The following BCAT1 variants were observed in gnomAD, a reference collection of about 807,000 sequenced individuals.
BCAT1 encodes branched-chain-amino-acid aminotransferase, cytosolic.
In BCAT1, 48 loss-of-function variants were observed where a neutral mutation model predicts 52.4. The ratio of observed to expected loss-of-function variants is 0.92; its 90% confidence interval spans 0.73 to 1.16. BCAT1 has a LOEUF of 1.16. Ranked by LOEUF, BCAT1 falls within the 50% of genes most tolerant of loss-of-function variation. The probability of loss-of-function intolerance (pLI) is 0.00; values close to 1 mark genes in which losing one functional copy is unlikely to be tolerated. For synonymous variants in BCAT1, 167 were observed against 161.3 expected, an observed-to-expected ratio of 1.04 and a Z score of -0.27; for missense variants, 451 against 457.1, an observed-to-expected ratio of 0.99 and a Z score of 0.12.
At chr12:24,839,261 A>G (rs2139423310) in intron 7 of BCAT1, among the ~76,000 whole-genome samples, 1 of 152,354 alleles carries the variant, frequency 6.6e-6, no homozygotes. Context: ...ATTTGTAAGC[A>G]AAGATTTGGA....
At chr12:24,888,852 A>C (rs1047654624) in intron 3 of BCAT1, among the ~76,000 whole-genome samples, 1 of 152,246 alleles carries the variant, frequency 6.6e-6, no homozygotes, top group Admixed American at 6.5e-5. Context: ...CAAGCTGCAG[A>C]CATAGATATC....
intron 1 of BCAT1, among the ~76,000 whole-genome samples, chr12:24,943,948 T>A (rs192581264): frequency 6.6e-6 from 1 of 151,594 alleles, no homozygotes; most frequent in Admixed American, 6.6e-5. Flanking sequence ...CGCACCACTG[T>A]ACTCCAGCCT....
intron 5 of BCAT1, among the ~76,000 whole-genome samples, chr12:24,852,414 A>T (rs1941542584): frequency 7.7e-6 from 1 of 129,502 alleles, no homozygotes; most frequent in Non-Finnish European, 1.7e-5. Context: ...TTTGTGGACA[A>T]ACTAATAGCA....
chr12:24,826,289 A>G (rs1940395801), intron 10 of BCAT1, among the ~76,000 whole-genome samples: 1 of 152,224 alleles, frequency 6.6e-6, no homozygotes, highest in African/African-American at 2.4e-5. Context: ...TCAAGTCATT[A>G]ATATACTTTC....
In BCAT1 at chr12:24,834,971, A is replaced by G. The variant is rs150539332; in HGVS notation, c.903+1540T>C. On this transcript the variant is annotated intron_variant, in intron 8 of 10. Transcript: ENST00000261192. ...TCTCATGTTTTAAAATAGCTTTTAA[A>G]ATAAATTACAGCTATGAAGTCAAGA... Among the ~76,000 whole-genome samples the G allele has an allele frequency of 6.6e-5, 10 of 152,364 alleles. No individual in the cohort carries two copies. In the East Asian group the frequency reaches 1.5e-3, roughly 23 times the overall value.
intron 5 of BCAT1, among the ~76,000 whole-genome samples, chr12:24,866,856 A>C (rs566761754): frequency 6.6e-6 from 1 of 152,254 alleles, no homozygotes; most frequent in East Asian, 1.9e-4. Context: ...GTGGGGCCAG[A>C]TAAGAGAATA....
intron 5 of BCAT1, among the ~76,000 whole-genome samples, chr12:24,875,455 A>G (rs1009801395): frequency 1.3e-5 from 2 of 152,188 alleles, no homozygotes; most frequent in African/African-American, 2.4e-5. Context: ...TGACTCCCCA[A>G]ATAGTATTCA....
chr12:24,836,091 T>A (rs925476474), intron 8 of BCAT1, among the ~76,000 whole-genome samples: 1 of 152,192 alleles, frequency 6.6e-6, no homozygotes, highest in South Asian at 2.1e-4. Flanking sequence ...GTGAAATTAT[T>A]TCATTTCTAC....
chr12:24,834,528 T>A lies in BCAT1; in HGVS notation c.904-1665A>T, dbSNP rs934012744. ...ATAAAGGGCAATAAAAATAGAGAGG[T>A]TTAAAAAAATAAGATGAGTATTTTT... is the stretch of plus-strand genomic sequence containing the variant. On this transcript the variant is annotated intron_variant, in intron 8 of 10. Transcript: ENST00000261192. 5.1e-6 allele frequency: 5 copies of A among 975,654 alleles called. No individual in the cohort carries two copies. The African/African-American group carries it at 8.8e-5, about 17-fold the overall frequency. The allele number at this position is 975,654 out of a possible 1,614,324, so 60.4% of individuals were successfully genotyped here. A position where few individuals can be genotyped will look rare whatever the true frequency, so the allele number is the denominator to read the frequency against.
chr12:24,816,862 T>C lies in BCAT1; in HGVS notation c.*1146A>G, dbSNP rs1288398139. The C allele has an allele frequency of 3.2e-6, 1 of 313,146 alleles. No homozygotes were observed. Among genetic ancestry groups the C allele is most frequent in the Non-Finnish European group, 5.8e-6 (1 of 172,348 alleles). 19.4% of individuals were successfully genotyped at this position (313,146 alleles called of 1,614,324 possible). On this transcript the variant is annotated 3_prime_UTR_variant, in exon 11 of 11. Coordinates refer to ENST00000261192, the MANE Select transcript of BCAT1 (RefSeq NM_005504.7). Reference sequence around the variant, plus strand: ...GATCCCTTGCATGCAGAGTTCACAATAGGATTTGTGCTCCTATGAGAATCT... The same window carrying C: ...GATCCCTTGCATGCAGAGTTCACAACAGGATTTGTGCTCCTATGAGAATCT...
chr12:24,903,905 G>T (rs1305307251), intron 1 of BCAT1: 2 of 152,210 alleles, frequency 1.3e-5, no homozygotes, highest in African/African-American at 2.4e-5. Flanking sequence ...ATAGGAAGTG[G>T]TAACTGGGGC....
In BCAT1 at chr12:24,916,949, T is replaced by A. The variant is rs1263861920; in HGVS notation, c.7-15064A>T. On this transcript the variant is annotated intron_variant, in intron 1 of 10. Transcript: ENST00000261192. ...ATTCAGGTAGAAAGAAAGGTAAATG[T>A]TTCCATTTTGCTCACAGAAGTATAC... Among the ~76,000 whole-genome samples the A allele has an allele frequency of 3.9e-5, 6 of 152,300 alleles. No individual in the cohort carries two copies. In the South Asian group the frequency reaches 6.2e-4, roughly 16 times the overall value.
chr12:24,936,730 C>CACACACACACAT (rs1265423881), intron 1 of BCAT1, among the ~76,000 whole-genome samples: 1 of 151,140 alleles, frequency 6.6e-6, no homozygotes, highest in South Asian at 2.1e-4. Context: ...CTCTCACACA[C>CACACACACACAT]ACACACACAC....
intron 1 of BCAT1, among the ~76,000 whole-genome samples, chr12:24,931,520 C>T (rs927883480): frequency 4.6e-5 from 7 of 152,070 alleles, no homozygotes; most frequent in South Asian, 4.1e-4. Flanking sequence ...TAAAAAGAGA[C>T]CCTGAATACC....
chr12:24,901,513 G>A (rs1591857906), intron 2 of BCAT1, among the ~76,000 whole-genome samples: 7 of 152,208 alleles, frequency 4.6e-5, no homozygotes. Context: ...CTGAAGGTTT[G>A]TACGTATTAT....
chr12:24,908,266 T>C (rs1289698166), intron 1 of BCAT1, among the ~76,000 whole-genome samples: 1 of 152,212 alleles, frequency 6.6e-6, no homozygotes, highest in Non-Finnish European at 1.5e-5. Context: ...ATATGCATTG[T>C]GACTGTTCAA....
intron 6 of BCAT1, 82 bp from the exon 7 acceptor site, chr12:24,842,306 T>C: frequency 2.0e-6 from 3 of 1,484,158 alleles, no homozygotes; most frequent in Non-Finnish European, 2.8e-6. Flanking sequence ...AGCCTCAAGC[T>C]CTTAATTCAC....
chr12:24,820,455 T>C (rs1555362926), intron 10 of BCAT1, among the ~76,000 whole-genome samples: 2 of 152,078 alleles, frequency 1.3e-5, no homozygotes, highest in Non-Finnish European at 1.5e-5. Context: ...TAAGAGTAAG[T>C]AAGTATACAT....
chr12:24,903,888 T>G (rs1565492898), intron 1 of BCAT1: 1 of 152,344 alleles, frequency 6.6e-6, no homozygotes, highest in East Asian at 1.9e-4. Context: ...TCCTGGTTTT[T>G]AAATTAATAG....
Sources: gnomAD v4.1 joint callset for allele counts (sites outside exome capture counted in the v4.1 genomes callset) on GRCh38, gnomAD v4.1.1 for gene constraint, MANE v1.5 for transcripts, NCBI Gene and HGNC (gene_info 2026-07-23, HGNC 2026-07-21) for gene names.